SGCZ: variants seen among roughly 807,000 people sequenced by gnomAD.
SGCZ encodes the protein zeta-sarcoglycan.
In SGCZ, 40 loss-of-function variants were observed where a neutral mutation model predicts 41.3. That is an observed-to-expected ratio of 0.97 (90% CI 0.75 to 1.26). The LOEUF is 1.26. Among genes scored for constraint, SGCZ ranks in the 50% most tolerant of loss-of-function variants. SGCZ has a pLI of 0.00. For missense variants in SGCZ, 552 were observed against 369.8 expected (o/e 1.49, Z -4.04); for synonymous variants, 206 against 137.5 (o/e 1.50, Z -3.49).
intron 1 of SGCZ, among the ~76,000 whole-genome samples, chr8:14,781,915 T>G (rs1800600778): frequency 6.6e-6 from 1 of 152,154 alleles, no homozygotes; most frequent in South Asian, 2.1e-4. Context: ...ACAGAATAGT[T>G]GTATGGGTAT....
intron 3 of SGCZ, among the ~76,000 whole-genome samples, chr8:14,300,586 A>G (rs550072482): frequency 1.3e-5 from 2 of 152,118 alleles, no homozygotes; most frequent in South Asian, 4.1e-4. Flanking sequence ...ATTAAATAGC[A>G]TGACATAGGT....
chr8:14,266,490 G>C (rs1338415678), intron 3 of SGCZ, among the ~76,000 whole-genome samples: 2 of 152,106 alleles, frequency 1.3e-5, no homozygotes, highest in African/African-American at 4.8e-5. Flanking sequence ...AATTAGCCAG[G>C]TAGGGACCCA....
chr8:14,113,612 G>A (rs1291167666), intron 5 of SGCZ, among the ~76,000 whole-genome samples: 2 of 152,022 alleles, frequency 1.3e-5, no homozygotes, highest in South Asian at 2.1e-4. Flanking sequence ...GTGAACCCGG[G>A]AAGTATACTG....
At chr8:14,898,633 A>C in intron 1 of SGCZ, among the ~76,000 whole-genome samples, 1 of 152,318 alleles carries the variant, frequency 6.6e-6, no homozygotes, top group Admixed American at 6.5e-5. Flanking sequence ...GAATATATAT[A>C]AGCGAGAATC....
At chr8:14,393,393 C>T (rs1471010791) in intron 2 of SGCZ, among the ~76,000 whole-genome samples, 1 of 152,122 alleles carries the variant, frequency 6.6e-6, no homozygotes, top group Non-Finnish European at 1.5e-5. Context: ...CTCCATCTTC[C>T]CTTGTCAACC....
intron 1 of SGCZ, among the ~76,000 whole-genome samples, chr8:15,175,032 T>A (rs147196587): frequency 9.9e-4 from 143 of 144,512 alleles, no homozygotes; most frequent in Non-Finnish European, 1.5e-3. Flanking sequence ...ACTTGACAGG[T>A]GCAGCAAACC....
chr8:14,651,179 CTA>C (rs1316551395), intron 1 of SGCZ, among the ~76,000 whole-genome samples: 7 of 152,008 alleles, frequency 4.6e-5, no homozygotes, highest in Admixed American at 1.3e-4. Context: ...TAAATATACA[CTA>C]TGAGATAAAC....
chr8:14,823,629 G>T (rs1802189619), intron 1 of SGCZ, among the ~76,000 whole-genome samples: 1 of 152,144 alleles, frequency 6.6e-6, no homozygotes, highest in Non-Finnish European at 1.5e-5. Context: ...CTGTTCTTGG[G>T]ACTGTAAACT....
intron 1 of SGCZ, among the ~76,000 whole-genome samples, chr8:14,678,033 A>T (rs1808330221): frequency 6.6e-6 from 1 of 152,180 alleles, no homozygotes; most frequent in Non-Finnish European, 1.5e-5. Context: ...AATCCTTCAC[A>T]AAAATTAATA....
rs546120240 is a variant in SGCZ at position 15,173,746 on chromosome 8, G to A, written c.39+63839C>T. On this transcript the variant is annotated intron_variant, in intron 1 of 7. Coordinates refer to ENST00000382080, the MANE Select transcript of SGCZ (RefSeq NM_139167.4). Reference sequence around the variant, plus strand: ...GCATTTTCTCAGACTCAAGTTCTTCGTTAGCAGATTCATTCATTTATTTAG... The same window carrying A: ...GCATTTTCTCAGACTCAAGTTCTTCATTAGCAGATTCATTCATTTATTTAG... 2.0e-5 allele frequency among the ~76,000 whole-genome samples: 3 copies of A among 152,166 alleles called. No individual in the cohort carries two copies. The East Asian group carries it at 5.8e-4, about 29-fold the overall frequency.
chr8:14,752,170 A>G (rs151195681), intron 1 of SGCZ, among the ~76,000 whole-genome samples: 1,916 of 147,920 alleles, frequency 0.013, 31 homozygotes, highest in African/African-American at 0.034. Flanking sequence ...CTTCCTCTGG[A>G]CTTTACATTT....
At chr8:14,899,200 G>C (rs1030483894) in intron 1 of SGCZ, among the ~76,000 whole-genome samples, 4 of 152,030 alleles carry the variant, frequency 2.6e-5, no homozygotes, top group Admixed American at 6.6e-5. Flanking sequence ...GAAAAACTGT[G>C]GGTGAAAGTA....
At chr8:15,096,184 C>A (rs1806339261) in intron 1 of SGCZ, among the ~76,000 whole-genome samples, 1 of 151,996 alleles carries the variant, frequency 6.6e-6, no homozygotes, top group Admixed American at 6.6e-5. Context: ...TCAAGCAATT[C>A]TCCTGCCTCA....
At chr8:14,648,319 C>G (rs1807290689) in intron 1 of SGCZ, among the ~76,000 whole-genome samples, 2 of 152,026 alleles carry the variant, frequency 1.3e-5, no homozygotes, top group Non-Finnish European at 2.9e-5. Flanking sequence ...CATTCTGTAG[C>G]TTTGTATAAG....
At chr8:14,350,920 T>C (rs1051270329) in intron 2 of SGCZ, among the ~76,000 whole-genome samples, 1 of 152,190 alleles carries the variant, frequency 6.6e-6, no homozygotes, top group Non-Finnish European at 1.5e-5. Flanking sequence ...GCTTTAAATA[T>C]ATTCACTGCT....
At chr8:15,012,924 C>G (rs951466206) in intron 1 of SGCZ, among the ~76,000 whole-genome samples, 2 of 151,020 alleles carry the variant, frequency 1.3e-5, no homozygotes, top group African/African-American at 4.9e-5. Flanking sequence ...TTCTCATGTA[C>G]TGGTGAATGA....
chr8:15,000,394 T>C (rs1219630534), intron 1 of SGCZ, among the ~76,000 whole-genome samples: 1 of 152,108 alleles, frequency 6.6e-6, no homozygotes, highest in East Asian at 1.9e-4. Context: ...TAAAAAGAAA[T>C]CACTTAGGCA....
chr8:14,097,290 T>C (rs1173723304), intron 7 of SGCZ, among the ~76,000 whole-genome samples: 1 of 152,228 alleles, frequency 6.6e-6, no homozygotes, highest in African/African-American at 2.4e-5. Context: ...TTCTGGTATG[T>C]TGTGTCTTTG....
chr8:14,483,833 T>C (rs1801600669), intron 2 of SGCZ, among the ~76,000 whole-genome samples: 1 of 152,172 alleles, frequency 6.6e-6, no homozygotes, highest in Admixed American at 6.5e-5. Context: ...ATTTTCAGTT[T>C]AGCCTGAAAA....
Sources: gnomAD v4.1 joint callset for allele counts (sites outside exome capture counted in the v4.1 genomes callset) on GRCh38, gnomAD v4.1.1 for gene constraint, MANE v1.5 for transcripts, NCBI Gene and HGNC (gene_info 2026-07-23, HGNC 2026-07-21) for gene names.